Variants in ITFG1 observed in about 807,000 individuals in gnomAD.
The protein encoded by ITFG1 is integrin alpha FG-GAP repeat containing 1.
Under a neutral mutation model 81.8 loss-of-function variants are expected in ITFG1, and 34 were observed. That is an observed-to-expected ratio of 0.42 (90% CI 0.32 to 0.55). The LOEUF is 0.55. ITFG1 is among the 20% of genes least tolerant of loss of function. ITFG1 has a pLI of 0.17. For missense variants in ITFG1, 672 were observed against 755.4 expected (o/e 0.89, Z 1.29); for synonymous variants, 285 against 270.6 (o/e 1.05, Z -0.52).
intron 5 of ITFG1, among the ~76,000 whole-genome samples, chr16:47,437,414 G>A (rs997842385): frequency 2.0e-5 from 3 of 150,824 alleles, no homozygotes; most frequent in African/African-American, 7.3e-5. Flanking sequence ...GCTGCAGTGA[G>A]CTATGATCGT....
intron 5 of ITFG1, chr16:47,449,849 T>C (rs1567504437): frequency 6.6e-6 from 1 of 152,182 alleles, no homozygotes; most frequent in Admixed American, 6.5e-5. Context: ...TCTCGCAGAT[T>C]AAGTAAAAAA....
intron 8 of ITFG1, among the ~76,000 whole-genome samples, chr16:47,325,505 A>C (rs534203384): frequency 6.6e-6 from 1 of 152,336 alleles, no homozygotes; most frequent in African/African-American, 2.4e-5. Flanking sequence ...GAGACACAAA[A>C]AACCCTTCAA....
At chr16:47,253,221 C>G (rs1183159364) in intron 12 of ITFG1, among the ~76,000 whole-genome samples, 3 of 152,144 alleles carry the variant, frequency 2.0e-5, no homozygotes, top group Non-Finnish European at 2.9e-5. Flanking sequence ...CTTCAGTTTT[C>G]TGTTTTAACT....
At chr16:47,433,770 A>AATATATATATATATAT (rs59030134) in intron 5 of ITFG1, among the ~76,000 whole-genome samples, 73 of 124,468 alleles carry the variant, frequency 5.9e-4, no homozygotes, top group African/African-American at 1.1e-3. Flanking sequence ...ATAAAAACTG[A>AATATATATATATATAT]ATATATATAT....
intron 14 of ITFG1, among the ~76,000 whole-genome samples, chr16:47,169,037 A>C (rs895729667): frequency 6.6e-6 from 1 of 152,246 alleles, no homozygotes; most frequent in South Asian, 2.1e-4. Context: ...TTTGCCATAG[A>C]TATTTGGATT....
intron 14 of ITFG1, among the ~76,000 whole-genome samples, chr16:47,167,733 C>T (rs779214159): frequency 3.9e-5 from 6 of 152,164 alleles, no homozygotes; most frequent in African/African-American, 7.2e-5. Flanking sequence ...TCTCTTTACA[C>T]GGACGCGCAT....
At chr16:47,232,413 T>C (rs1028086289) in intron 13 of ITFG1, among the ~76,000 whole-genome samples, 1 of 152,156 alleles carries the variant, frequency 6.6e-6, no homozygotes, top group African/African-American at 2.4e-5. Flanking sequence ...ACTGGGAAAG[T>C]AGAAAGGGTA....
intron 10 of ITFG1, among the ~76,000 whole-genome samples, chr16:47,282,775 T>C (rs755199525): frequency 6.6e-6 from 1 of 152,102 alleles, no homozygotes; most frequent in Non-Finnish European, 1.5e-5. Flanking sequence ...ACTTAACAGC[T>C]GTTCTGACTG....
chr16:47,362,570 A>C (rs556113654), intron 8 of ITFG1, among the ~76,000 whole-genome samples: 8 of 152,336 alleles, frequency 5.3e-5, no homozygotes, highest in Admixed American at 4.6e-4. Flanking sequence ...ATTTTTACAG[A>C]AACTGTCGAT....
intron 17 of ITFG1, chr16:47,157,591 T>C (rs1964733712): frequency 6.6e-6 from 1 of 152,234 alleles, no homozygotes; most frequent in South Asian, 2.1e-4. Context: ...GATATTCTGA[T>C]ACTTCTGGAC....
At chr16:47,288,086 C>A (rs1383589713) in intron 10 of ITFG1, among the ~76,000 whole-genome samples, 1 of 152,124 alleles carries the variant, frequency 6.6e-6, no homozygotes, top group Non-Finnish European at 1.5e-5. Flanking sequence ...GTCTATTAAC[C>A]AACCCTTGGC....
intron 7 of ITFG1, among the ~76,000 whole-genome samples, chr16:47,374,952 G>A (rs1968305096): frequency 6.6e-6 from 1 of 151,942 alleles, no homozygotes; most frequent in Non-Finnish European, 1.5e-5. Context: ...ATAAGTTTGT[G>A]CTTTACATTT....
intron 12 of ITFG1, among the ~76,000 whole-genome samples, chr16:47,255,791 T>A (rs1016982881): frequency 6.6e-6 from 1 of 152,144 alleles, no homozygotes; most frequent in Non-Finnish European, 1.5e-5. Context: ...GTAAGAGAGA[T>A]GTTAATGTGA....
intron 10 of ITFG1, among the ~76,000 whole-genome samples, chr16:47,263,715 A>C (rs1335971550): frequency 2.6e-5 from 4 of 152,174 alleles, no homozygotes; most frequent in Non-Finnish European, 4.4e-5. Flanking sequence ...TACTCTACTC[A>C]CTACTTTACC....
At chr16:47,283,170 G>C (rs1966468211) in intron 10 of ITFG1, among the ~76,000 whole-genome samples, 1 of 152,104 alleles carries the variant, frequency 6.6e-6, no homozygotes, top group African/African-American at 2.4e-5. Context: ...CCAATGTCTA[G>C]AAGAGTTTTT....
At chr16:47,317,771 T>A (rs770696055) in intron 8 of ITFG1, 2 of 152,228 alleles carry the variant, frequency 1.3e-5, no homozygotes, top group South Asian at 2.1e-4. Context: ...AATGTCTTGA[T>A]CATGTTTCTT....
chr16:47,347,206 T>G (rs1302413471), intron 8 of ITFG1, among the ~76,000 whole-genome samples: 1 of 152,148 alleles, frequency 6.6e-6, no homozygotes. Context: ...TGCAAGACAG[T>G]GGGTGCAGCG....
At chr16:47,423,251 ATTTTTT>A (rs748793229) in intron 6 of ITFG1, among the ~76,000 whole-genome samples, 3 of 118,306 alleles carry the variant, frequency 2.5e-5, no homozygotes, top group Non-Finnish European at 3.5e-5. Flanking sequence ...GCAATCCCTG[ATTTTTT>A]TTTTTTTTTT....
Position 47,260,669 on chromosome 16 carries a change from T to C in ITFG1, c.1097A>G (p.Asn366Ser), listed in dbSNP as rs201114623. Residue 366 changes from asparagine to serine, a missense_variant, in exon 11 of 18, where the codon AAC (asparagine) becomes AGC (serine). Coordinates refer to ENST00000320640, the MANE Select transcript of ITFG1 (RefSeq NM_030790.5). ...GSNQQAFLLENVPCNNASCEE... is the reference protein window; with the variant it reads ...GSNQQAFLLESVPCNNASCEE... ...ACAGCTTGCATTATTACAAGGGACG[T>C]TCTCCAGTAAAAAGGCCTGCTGGTT... 6.2e-7 allele frequency: 1 copy of C among 1,614,212 alleles called. No homozygotes were observed. The highest frequency in any genetic ancestry group is 8.5e-7 in the Non-Finnish European group (1 of 1,180,028).
Sources: allele counts gnomAD v4.1 joint callset (sites outside exome capture counted in the v4.1 genomes callset), GRCh38; gene constraint gnomAD v4.1.1; transcripts MANE v1.5; gene names NCBI Gene and HGNC (gene_info 2026-07-23, HGNC 2026-07-21).